Variants in ZNF180 observed in about 807,000 individuals in gnomAD.
The protein encoded by ZNF180 is zinc finger protein 180 (HHZ168).
ZNF180 carries 11 observed loss-of-function variants against 11.8 expected under a neutral mutation model. That is an observed-to-expected ratio of 0.93 (90% CI 0.59 to 1.55). The LOEUF (loss-of-function observed/expected upper bound fraction) is 1.55, where lower values mean the gene tolerates loss of function less well. ZNF180 is among the 40% of genes most tolerant of loss of function. ZNF180 has a pLI of 0.00. For missense variants in ZNF180, 773 were observed against 781.7 expected (o/e 0.99, Z 0.13); for synonymous variants, 287 against 257.7 (o/e 1.11, Z -1.09).
At chr19:44,500,232 T>C (rs751650911) in intron 1 of ZNF180, 43 bp downstream of exon 1, 27 of 1,614,066 alleles carry the variant, frequency 1.7e-5, no homozygotes, top group Non-Finnish European at 2.1e-5. Flanking sequence ...ACCCTGCGCA[T>C]GCGCGCATCG....
intron 1 of ZNF180, 24 bp downstream of exon 1, chr19:44,500,251 G>A (rs770636147): frequency 6.2e-7 from 1 of 1,613,860 alleles, no homozygotes; most frequent in Admixed American, 1.7e-5. Flanking sequence ...CGGACACCAA[G>A]CGCTGCCCCA....
intron 2 of ZNF180, 22 bp from the exon 3 acceptor site, chr19:44,484,457 G>A: frequency 6.3e-7 from 1 of 1,580,526 alleles, no homozygotes; most frequent in South Asian, 1.1e-5. Flanking sequence ...AAACAGATGA[G>A]AAAAAGGAAA....
chr19:44,491,591 G>C (rs1205739586), intron 2 of ZNF180, among the ~76,000 whole-genome samples: 1 of 151,936 alleles, frequency 6.6e-6, no homozygotes, highest in Non-Finnish European at 1.5e-5. Context: ...TTTTTTAAGA[G>C]CTAGGGTCTC....
At chr19:44,485,322 T>C (rs1398112314) in intron 2 of ZNF180, among the ~76,000 whole-genome samples, 1 of 152,180 alleles carries the variant, frequency 6.6e-6, no homozygotes, top group Non-Finnish European at 1.5e-5. Context: ...TACAAACAGA[T>C]GCTCGCCTCT....
chr19:44,486,980 T>C (rs182737164), intron 2 of ZNF180, among the ~76,000 whole-genome samples: 16 of 151,792 alleles, frequency 1.1e-4, no homozygotes, highest in African/African-American at 2.2e-4. Flanking sequence ...AAGTTGGAGT[T>C]TGCAGCAAGC....
intron 1 of ZNF180, chr19:44,500,060 AC>A: frequency 7.9e-7 from 1 of 1,273,474 alleles, no homozygotes; most frequent in Admixed American, 1.7e-5. Context: ...AGACAAGAGC[AC>A]CACCTGACCA....
rs562528582 is a variant in ZNF180 at position 44,500,078 on chromosome 19, CG to C, written c.-44+196del. Reference sequence around the variant, plus strand: ...CAAGAGCACCACCTGACCAAGCACCCGCGCATGCACGCAGAGGACAGTCGCG... The same window carrying C: ...CAAGAGCACCACCTGACCAAGCACCCCGCATGCACGCAGAGGACAGTCGCG... On this transcript the variant is annotated intron_variant, in intron 1 of 4. Transcript: ENST00000592529. The C allele has an allele frequency of 4.6e-4, 671 of 1,466,090 alleles. 1 individual carries two copies. The African/African-American group carries it at 7.9e-3, about 17-fold the overall frequency. The allele number at this position is 1,466,090 out of a possible 1,614,324, so 90.8% of individuals were successfully genotyped here.
rs1480466885 is a variant in ZNF180 at position 44,474,888 on chromosome 19, CCCAGA to C, written c.*1509_*1513del. 1.4e-4 allele frequency: 22 copies of C among 152,340 alleles called. No individual in the cohort carries two copies. The highest frequency in any genetic ancestry group is 5.3e-4 in the African/African-American group (22 of 41,566). 9.4% of individuals were successfully genotyped at this position (152,340 alleles called of 1,614,324 possible). ...CCATGAAAACATCAGCAACTGTTTTCCCAGACCTGACACTGCCAGGTGTGCAACAA... is the reference window on the plus strand; with the variant it reads ...CCATGAAAACATCAGCAACTGTTTTCCCTGACACTGCCAGGTGTGCAACAA... On this transcript the variant is annotated 3_prime_UTR_variant, in exon 5 of 5. Coordinates refer to ENST00000592529, the MANE Select transcript of ZNF180 (RefSeq NM_001278509.3).
chr19:44,498,979 C>A (rs1970662335), intron 1 of ZNF180, among the ~76,000 whole-genome samples: 2 of 152,186 alleles, frequency 1.3e-5, no homozygotes, highest in Admixed American at 1.3e-4. Flanking sequence ...CGTCTGGGGG[C>A]ACACCATGCT....
rs1417633064 is a variant in ZNF180 at position 44,495,499 on chromosome 19, C to T, written c.51+1785G>A. Among the ~76,000 whole-genome samples the T allele has an allele frequency of 6.6e-6, 1 of 152,246 alleles. No individual in the cohort carries two copies. Among genetic ancestry groups the T allele is most frequent in the African/African-American group, 2.4e-5 (1 of 41,538 alleles). ...TGCCCTCAACATGCTCATGCTCTGA[C>T]ATGCCACACCAGGCTGCACCTGACC... On this transcript the variant is annotated intron_variant, in intron 2 of 4. Coordinates refer to ENST00000592529, the MANE Select transcript of ZNF180 (RefSeq NM_001278509.3). This position sits in a 1 kb window ranked among gnomAD's most constrained non-coding sequence, Gnocchi z 4.5.
Position 44,477,256 on chromosome 19 carries a change from AAG to A in ZNF180, c.1142_1143del (p.Pro381LeufsTer4), listed in dbSNP as rs1423265808. On this transcript the variant is annotated frameshift_variant, in exon 5 of 5. Coordinates refer to ENST00000592529, the MANE Select transcript of ZNF180 (RefSeq NM_001278509.3). LOFTEE classifies it low-confidence loss of function (END_TRUNC). Reference sequence around the variant, plus strand: ...GATTTCCCACATTGATTACACCTGTAAGGTTTCTCTCCAGTATGAGTTCTCTG... The same window carrying A: ...GATTTCCCACATTGATTACACCTGTAGTTTCTCTCCAGTATGAGTTCTCTG... The part of the protein sequence containing the change: ...SHQRTHTGEK[P>X]YRCNQCGKSF... 2 of 1,614,032 alleles carry A rather than the reference AAG, an allele frequency of 1.2e-6. No individual in the cohort carries two copies. Among genetic ancestry groups the A allele is most frequent in the African/African-American group, 1.3e-5 (1 of 74,926 alleles).
At position 44,486,315 on chromosome 19, in the gene ZNF180, G is replaced by A. The variant is rs185755132; in HGVS notation, c.52-1880C>T. Among the ~76,000 whole-genome samples, 130 of 152,266 alleles carry A rather than the reference G, an allele frequency of 8.5e-4. 1 individual carries two copies. In the East Asian group the frequency reaches 0.018, roughly 21 times the overall value. ...TTATTCTTTGAAGGGGTAGAACTGA[G>A]GAGCAGGTTCACTGTCTCTCTTTTA... is the stretch of plus-strand genomic sequence containing the variant. On this transcript the variant is annotated intron_variant, in intron 2 of 4. Transcript: ENST00000592529.
At chr19:44,500,164 C>A in intron 1 of ZNF180, 111 bp downstream of exon 1, 1 of 1,614,094 alleles carries the variant, frequency 6.2e-7, no homozygotes, top group East Asian at 2.2e-5. Context: ...AAAGCGCCAC[C>A]CGCACAGATA....
At position 44,500,377 on chromosome 19, in the gene ZNF180, C is replaced by T; in HGVS notation, c.-146G>A. 2 of 1,086,382 alleles carry T rather than the reference C, an allele frequency of 1.8e-6. 1 individual carries two copies. The highest frequency in any genetic ancestry group is 2.7e-5 in the South Asian group (2 of 75,316). 67.3% of individuals were successfully genotyped at this position (1,086,382 alleles called of 1,614,324 possible). A position where few individuals can be genotyped will look rare whatever the true frequency, so the allele number is the denominator to read the frequency against. ...ACTCGGGTTAGGCAACCCCCTGCCCCGATTCTGCAACACGGCCGACTCGGG... is the reference window on the plus strand; with the variant it reads ...ACTCGGGTTAGGCAACCCCCTGCCCTGATTCTGCAACACGGCCGACTCGGG... On this transcript the variant is annotated 5_prime_UTR_variant, in exon 1 of 5. Transcript: ENST00000592529.
intron 2 of ZNF180, among the ~76,000 whole-genome samples, chr19:44,496,392 T>C (rs1005609422): frequency 6.6e-6 from 1 of 152,046 alleles, no homozygotes; most frequent in East Asian, 1.9e-4. Context: ...GTAGCTTATA[T>C]CTGTAATCCT....
intron 2 of ZNF180, among the ~76,000 whole-genome samples, chr19:44,491,649 T>C (rs561494648): frequency 6.6e-6 from 1 of 152,338 alleles, no homozygotes; most frequent in Non-Finnish European, 1.5e-5. Context: ...TAGCCTACTA[T>C]AGTCTTGAAC....
intron 3 of ZNF180, among the ~76,000 whole-genome samples, chr19:44,482,317 A>C (rs1380384900): frequency 6.6e-6 from 1 of 152,122 alleles, no homozygotes; most frequent in Non-Finnish European, 1.5e-5. Context: ...TCAAAATCAT[A>C]ATAACAATAA....
intron 3 of ZNF180, among the ~76,000 whole-genome samples, chr19:44,483,311 A>C (rs746294904): frequency 6.6e-6 from 1 of 152,194 alleles, no homozygotes; most frequent in Non-Finnish European, 1.5e-5. Flanking sequence ...TTCTCTTTCA[A>C]GTATTCCCTT....
intron 2 of ZNF180, among the ~76,000 whole-genome samples, chr19:44,490,078 G>GAGGGA (rs1445869741): frequency 2.6e-5 from 3 of 115,776 alleles, no homozygotes; most frequent in African/African-American, 9.0e-5. Flanking sequence ...GGGAAAGAAA[G>GAGGGA]AGGGAAGGGA....
Sources: allele counts gnomAD v4.1 joint callset (sites outside exome capture counted in the v4.1 genomes callset), GRCh38; gene constraint gnomAD v4.1.1; non-coding constraint Gnocchi (gnomAD v3.1); transcripts MANE v1.5; gene names NCBI Gene and HGNC (gene_info 2026-07-23, HGNC 2026-07-21).